The following STARD13 variants were observed in gnomAD, a reference collection of about 807,000 sequenced individuals.
STARD13 encodes stAR-related lipid transfer protein 13.
STARD13 carries 62 observed loss-of-function variants against 106.4 expected under a neutral mutation model. That is an observed-to-expected ratio of 0.58 (90% CI 0.48 to 0.72). STARD13 has a LOEUF of 0.72. STARD13 is among the 30% of genes least tolerant of loss of function. STARD13 has a pLI of 0.00. For synonymous variants in STARD13, 565 were observed against 553.0 expected (o/e 1.02, Z -0.31); for missense variants, 1,387 against 1,424.0 (o/e 0.97, Z 0.42).
At chr13:33,170,491 T>C (rs1883832535) in intron 1 of STARD13, among the ~76,000 whole-genome samples, 3 of 152,174 alleles carry the variant, frequency 2.0e-5, no homozygotes, top group South Asian at 4.1e-4. Context: ...GATACATACA[T>C]GAATAACCAA....
chr13:33,431,560 T>G, the STARD13 span, among the ~76,000 whole-genome samples: 1 of 152,146 alleles, frequency 6.6e-6, no homozygotes, highest in East Asian at 1.9e-4. Context: ...TGGGAAAAAT[T>G]TTTTTGAATA....
the STARD13 span, among the ~76,000 whole-genome samples, chr13:33,571,608 A>G: frequency 1.3e-5 from 2 of 152,136 alleles, no homozygotes; most frequent in Non-Finnish European, 2.9e-5. Flanking sequence ...CAGTTATTCT[A>G]TATCCTATAT....
chr13:33,242,370 A>G (rs1292124666), intron 1 of STARD13, among the ~76,000 whole-genome samples: 1 of 152,230 alleles, frequency 6.6e-6, no homozygotes, highest in Non-Finnish European at 1.5e-5. Context: ...TGTAGAAAGA[A>G]GTAGACATAG....
downstream of STARD13, among the ~76,000 whole-genome samples, chr13:33,343,742 C>G (rs576724053): frequency 1.2e-4 from 19 of 152,038 alleles, no homozygotes; most frequent in South Asian, 3.9e-3. Context: ...TTATCTCTCA[C>G]CTAGACCATC....
At chr13:33,539,538 C>G in the STARD13 span, among the ~76,000 whole-genome samples, 1 of 152,150 alleles carries the variant, frequency 6.6e-6, no homozygotes, top group Non-Finnish European at 1.5e-5. Flanking sequence ...GGGTTAAGAA[C>G]AGACATATTT....
the STARD13 span, among the ~76,000 whole-genome samples, chr13:33,612,047 A>T: frequency 3.9e-5 from 6 of 152,252 alleles, no homozygotes; most frequent in South Asian, 1.2e-3. Context: ...AACTTTAAAA[A>T]CCCATAGGCA....
At chr13:33,666,284 A>AT in the STARD13 span, among the ~76,000 whole-genome samples, 27 of 151,812 alleles carry the variant, frequency 1.8e-4, no homozygotes, top group Non-Finnish European at 3.1e-4. Context: ...GCTGGAAATA[A>AT]TTTTTTTTGT....
At chr13:33,292,396 G>C (rs985749741) in intron 1 of STARD13, among the ~76,000 whole-genome samples, 4 of 149,926 alleles carry the variant, frequency 2.7e-5, no homozygotes, top group African/African-American at 9.9e-5. Flanking sequence ...TTTGAAACCA[G>C]CCTGGGCAAC....
chr13:33,225,845 A>G (rs1888599241), intron 1 of STARD13, among the ~76,000 whole-genome samples: 1 of 152,196 alleles, frequency 6.6e-6, no homozygotes, highest in South Asian at 2.1e-4. Context: ...CTGAAGTAAC[A>G]CTTGCACCAA....
chr13:33,138,410 C>CTTTTTTTTTT (rs71196507), intron 4 of STARD13: 2 of 122,794 alleles, frequency 1.6e-5, no homozygotes, highest in Admixed American at 8.7e-5. Flanking sequence ...CACTGTTTGG[C>CTTTTTTTTTT]TTTTTTTTTT....
intron 1 of STARD13, among the ~76,000 whole-genome samples, chr13:33,282,069 A>G (rs1594214002): frequency 6.6e-6 from 1 of 152,004 alleles, no homozygotes; most frequent in Admixed American, 6.6e-5. Flanking sequence ...GTCTTCCACC[A>G]CCCCCAGCAT....
At chr13:33,521,908 C>T in the STARD13 span, among the ~76,000 whole-genome samples, 1 of 152,004 alleles carries the variant, frequency 6.6e-6, no homozygotes, top group African/African-American at 2.4e-5. Context: ...GTCCCAAATG[C>T]CTCTTTAATA....
the STARD13 span, among the ~76,000 whole-genome samples, chr13:33,499,523 TTCTTCTTCTTCTTCTTCTTCTTC>T: frequency 2.3e-3 from 117 of 50,426 alleles, 6 homozygotes; most frequent in African/African-American, 8.2e-3. Flanking sequence ...TCTTTCTTTC[TTCTTCTTCTTCTTCTTCTTCTTC>T]TTCTTCTTCT....
At chr13:33,329,589 ATGT>A (rs2077813560) in intron 1 of STARD13, among the ~76,000 whole-genome samples, 1 of 151,694 alleles carries the variant, frequency 6.6e-6, no homozygotes, top group African/African-American at 2.4e-5. Context: ...AGCTTCATCC[ATGT>A]TGTCACAAAT....
At chr13:33,448,317 G>A in the STARD13 span, among the ~76,000 whole-genome samples, 1 of 151,972 alleles carries the variant, frequency 6.6e-6, no homozygotes, top group Admixed American at 6.6e-5. Flanking sequence ...CTACTTCAAT[G>A]AGAACAACTT....
At chr13:33,431,132 T>C in the STARD13 span, among the ~76,000 whole-genome samples, 2 of 152,210 alleles carry the variant, frequency 1.3e-5, no homozygotes, top group African/African-American at 4.8e-5. Flanking sequence ...ATTATTCTAC[T>C]TGTTCTTTAC....
chr13:33,566,000 C>T, the STARD13 span, among the ~76,000 whole-genome samples: 1 of 148,506 alleles, frequency 6.7e-6, no homozygotes, highest in East Asian at 2.0e-4. Context: ...GTTTCAGTTA[C>T]CTGTGGTCAG....
intron 1 of STARD13, chr13:33,280,893 C>G (rs1353930644): frequency 6.6e-6 from 1 of 152,148 alleles, no homozygotes; most frequent in East Asian, 1.9e-4. Context: ...TGACTTCTCT[C>G]AGATCACACA....
At chr13:33,158,921 G>A (rs1449722227) in intron 3 of STARD13, 1 of 152,224 alleles carries the variant, frequency 6.6e-6, no homozygotes, top group African/African-American at 2.4e-5. Flanking sequence ...CCCCGGGTAT[G>A]ACTACTCCTT....
Sources: allele counts gnomAD v4.1 joint callset (sites outside exome capture counted in the v4.1 genomes callset), GRCh38; gene constraint gnomAD v4.1.1; transcripts MANE v1.5; gene names NCBI Gene and HGNC (gene_info 2026-07-23, HGNC 2026-07-21).